The following SPIDR variants were observed in gnomAD, a reference collection of about 807,000 sequenced individuals.
SPIDR encodes the protein DNA repair-scaffolding protein.
A neutral mutation model predicts 104.6 loss-of-function variants in SPIDR; 93 were observed. The observed-to-expected ratio is 0.89, with a 90% CI of 0.75 to 1.06. The LOEUF is 1.06. SPIDR is among the 50% of genes least tolerant of loss of function. SPIDR has a pLI of 0.00. For missense variants in SPIDR, 1,154 were observed against 1,111.2 expected, an observed-to-expected ratio of 1.04 and a Z score of -0.55; for synonymous variants, 431 against 416.9, an observed-to-expected ratio of 1.03 and a Z score of -0.41.
intron 8 of SPIDR, among the ~76,000 whole-genome samples, chr8:47,573,125 G>A (rs983140578): frequency 6.6e-5 from 10 of 152,152 alleles, no homozygotes; most frequent in African/African-American, 2.4e-4. Context: ...AAAATGAGTT[G>A]TCTAAATTAT....
At chr8:47,330,070 C>CT (rs1486755096) in intron 5 of SPIDR, among the ~76,000 whole-genome samples, 3 of 152,148 alleles carry the variant, frequency 2.0e-5, no homozygotes, top group African/African-American at 4.8e-5. Context: ...GGTCACTTTC[C>CT]TTCAGCCTTA....
intron 8 of SPIDR, among the ~76,000 whole-genome samples, chr8:47,524,219 A>G (rs994033495): frequency 2.6e-5 from 4 of 151,954 alleles, no homozygotes; most frequent in African/African-American, 7.3e-5. Context: ...AAATCAGGCG[A>G]CTCTCCACCT....
At chr8:47,494,959 G>A (rs2079221750) in intron 8 of SPIDR, among the ~76,000 whole-genome samples, 1 of 152,102 alleles carries the variant, frequency 6.6e-6, no homozygotes, top group African/African-American at 2.4e-5. Context: ...GTGGTATAGG[G>A]CTACAGGTGA....
intron 8 of SPIDR, among the ~76,000 whole-genome samples, chr8:47,538,268 G>A (rs1400724539): frequency 1.3e-5 from 2 of 152,070 alleles, no homozygotes; most frequent in African/African-American, 4.8e-5. Flanking sequence ...ATTAAGGCTG[G>A]GCGTGGTGGT....
At chr8:47,464,622 A>T (rs192171533) in intron 8 of SPIDR, among the ~76,000 whole-genome samples, 1 of 152,216 alleles carries the variant, frequency 6.6e-6, no homozygotes, top group Admixed American at 6.5e-5. Flanking sequence ...AAGCCTCTGG[A>T]ATCCCAGGAG....
At chr8:47,542,331 T>C (rs1168639086) in intron 8 of SPIDR, among the ~76,000 whole-genome samples, 6 of 152,106 alleles carry the variant, frequency 3.9e-5, no homozygotes, top group Non-Finnish European at 1.5e-5. Flanking sequence ...TTGTGGTGAA[T>C]GTAACCAGAG....
chr8:47,724,553 C>T (rs1414937813), intron 16 of SPIDR, among the ~76,000 whole-genome samples: 1 of 152,240 alleles, frequency 6.6e-6, no homozygotes, highest in African/African-American at 2.4e-5. Flanking sequence ...CGCTGCATGG[C>T]TCCAAGGGGA....
chr8:47,621,156 C>T (rs955120509), intron 10 of SPIDR, among the ~76,000 whole-genome samples: 2 of 151,968 alleles, frequency 1.3e-5, no homozygotes, highest in Non-Finnish European at 2.9e-5. Context: ...GGGGTTTCAC[C>T]ATGTTGGCCA....
chr8:47,671,103 T>C (rs796514746), intron 10 of SPIDR, among the ~76,000 whole-genome samples: 5 of 152,134 alleles, frequency 3.3e-5, no homozygotes, highest in African/African-American at 1.2e-4. Context: ...AGAGACAGGG[T>C]CTCACTTTGT....
chr8:47,653,897 A>T, intron 10 of SPIDR: 1 of 900,888 alleles, frequency 1.1e-6, no homozygotes, highest in Non-Finnish European at 1.3e-6. Context: ...AAAGGAAAAA[A>T]AGGAAAAAGA....
chr8:47,594,198 A>C (rs2061392402), intron 8 of SPIDR, among the ~76,000 whole-genome samples: 1 of 7,536 alleles, frequency 1.3e-4, no homozygotes, highest in African/African-American at 1.1e-3. Flanking sequence ...AGTCTCTACA[A>C]AAAAAAAAAA....
intron 10 of SPIDR, among the ~76,000 whole-genome samples, chr8:47,641,363 A>T (rs561355530): frequency 2.0e-5 from 3 of 152,114 alleles, no homozygotes; most frequent in Non-Finnish European, 4.4e-5. Context: ...ACTACTTGCT[A>T]TATCCAAGCA....
intron 10 of SPIDR, among the ~76,000 whole-genome samples, chr8:47,664,467 C>T (rs73569224): frequency 0.014 from 2,108 of 152,198 alleles, 48 homozygotes; most frequent in African/African-American, 0.049. Context: ...TCTAACCAAA[C>T]AGAGTGTCAA....
chr8:47,310,191 G>C (rs184274380), intron 5 of SPIDR, among the ~76,000 whole-genome samples: 5 of 151,676 alleles, frequency 3.3e-5, no homozygotes, highest in African/African-American at 1.2e-4. Context: ...AAAATTAGCC[G>C]GGCGTGTTGG....
intron 6 of SPIDR, among the ~76,000 whole-genome samples, chr8:47,402,623 C>G (rs1411996741): frequency 1.3e-5 from 2 of 152,010 alleles, no homozygotes; most frequent in Non-Finnish European, 2.9e-5. Context: ...TAAATTCCAG[C>G]ACACATACAC....
intron 8 of SPIDR, among the ~76,000 whole-genome samples, chr8:47,583,924 CTG>C (rs1337786761): frequency 1.3e-5 from 2 of 152,216 alleles, no homozygotes; most frequent in African/African-American, 4.8e-5. Flanking sequence ...TACAGTGAAA[CTG>C]TCCTCTTAGC....
At chr8:47,552,370 G>A (rs532181316) in intron 8 of SPIDR, among the ~76,000 whole-genome samples, 5 of 152,256 alleles carry the variant, frequency 3.3e-5, no homozygotes, top group South Asian at 2.1e-4. Flanking sequence ...TTACAGTGGG[G>A]TGTTAAAGTC....
intron 8 of SPIDR, among the ~76,000 whole-genome samples, chr8:47,574,262 T>C (rs1289918670): frequency 6.6e-6 from 1 of 152,270 alleles, no homozygotes; most frequent in African/African-American, 2.4e-5. Context: ...TCTGAATGCC[T>C]ACATAAATTT....
At chr8:47,315,734 A>G (rs1392377103) in intron 5 of SPIDR, among the ~76,000 whole-genome samples, 2 of 152,182 alleles carry the variant, frequency 1.3e-5, no homozygotes, top group Non-Finnish European at 2.9e-5. Context: ...ATTATTTTTA[A>G]CAAAGACAGC....
Sources: gnomAD v4.1 joint callset for allele counts (sites outside exome capture counted in the v4.1 genomes callset) on GRCh38, gnomAD v4.1.1 for gene constraint, MANE v1.5 for transcripts, NCBI Gene and HGNC (gene_info 2026-07-23, HGNC 2026-07-21) for gene names.